KIF6: variants seen among roughly 807,000 people sequenced by gnomAD.
KIF6 encodes the protein kinesin family member 6.
In KIF6, 106 loss-of-function variants were observed where a neutral mutation model predicts 112.7. The observed-to-expected ratio is 0.94, with a 90% CI of 0.80 to 1.11. The LOEUF is 1.11. KIF6 is among the 50% of genes least tolerant of loss of function. KIF6 has a pLI of 0.00. For synonymous variants in KIF6, 339 were observed against 339.9 expected (o/e 1.00, Z 0.03); for missense variants, 929 against 964.0 (o/e 0.96, Z 0.48).
rs114719565 is a variant in KIF6, at chr6:39,464,074, C to T, written c.1646-32913G>A. 2.9e-3 allele frequency among the ~76,000 whole-genome samples: 443 copies of T among 152,308 alleles called. 3 individuals are homozygous for T. The highest frequency in any genetic ancestry group is 5.3e-3 in the Non-Finnish European group (363 of 68,032). Reference sequence around the variant, plus strand: ...TACATGTGTGTTATGGTCTGATAGACTGGCAGGGGCCAGGATGGGTGGTGG... The same window carrying T: ...TACATGTGTGTTATGGTCTGATAGATTGGCAGGGGCCAGGATGGGTGGTGG... On this transcript the variant is annotated intron_variant, in intron 13 of 22. Transcript: ENST00000287152.
Position 39,385,609 on chromosome 6 carries a change from T to C in KIF6, c.1861+13A>G. ...ACCTTCATCCTCTTCCTGCAGATTCTCTTTGTACCTACCTAGGGCTACTTG... is the reference window on the plus strand; with the variant it reads ...ACCTTCATCCTCTTCCTGCAGATTCCCTTTGTACCTACCTAGGGCTACTTG... On this transcript the variant is annotated intron_variant, in intron 16 of 22. Transcript: ENST00000287152. 6.2e-7 allele frequency: 1 copy of C among 1,608,668 alleles called. No homozygotes were observed. Among genetic ancestry groups the C allele is most frequent in the Non-Finnish European group, 8.5e-7 (1 of 1,175,034 alleles).
At chr6:39,620,243 G>A (rs1783741141) in intron 5 of KIF6, 1 of 152,092 alleles carries the variant, frequency 6.6e-6, no homozygotes, top group Non-Finnish European at 1.5e-5. Context: ...ATACAGCCGT[G>A]CACTAAAATT....
intron 13 of KIF6, among the ~76,000 whole-genome samples, chr6:39,507,351 AAAACAG>A: frequency 6.6e-6 from 1 of 152,192 alleles, no homozygotes; most frequent in East Asian, 1.9e-4. Flanking sequence ...TGAGTACAGA[AAAACAG>A]TTTTTTTCTT....
chr6:39,494,782 T>C (rs1227955676), intron 13 of KIF6, among the ~76,000 whole-genome samples: 1 of 152,020 alleles, frequency 6.6e-6, no homozygotes, highest in Non-Finnish European at 1.5e-5. Context: ...ATAAGAAATG[T>C]CCTTATGACA....
intron 2 of KIF6, 114 bp from the exon 3 acceptor site, chr6:39,714,880 C>G: frequency 1.4e-6 from 1 of 691,774 alleles, no homozygotes; most frequent in Non-Finnish European, 2.5e-6. Context: ...CATCACTGGG[C>G]TTACCTAACT....
At chr6:39,616,245 T>C (rs1055737492) in intron 5 of KIF6, among the ~76,000 whole-genome samples, 5 of 152,208 alleles carry the variant, frequency 3.3e-5, no homozygotes, top group Non-Finnish European at 5.9e-5. Flanking sequence ...TGATCTCCAA[T>C]GTAGCTACTT....
At chr6:39,643,277 AT>A (rs1427571758) in intron 3 of KIF6, among the ~76,000 whole-genome samples, 2 of 152,190 alleles carry the variant, frequency 1.3e-5, no homozygotes, top group African/African-American at 4.8e-5. Context: ...TGCGATTTCT[AT>A]CAAAATTCAA....
intron 10 of KIF6, among the ~76,000 whole-genome samples, chr6:39,560,303 A>G (rs1561810641): frequency 6.6e-6 from 1 of 152,214 alleles, no homozygotes; most frequent in Non-Finnish European, 1.5e-5. Flanking sequence ...AATATACTAC[A>G]TTTTCAATTG....
intron 3 of KIF6, among the ~76,000 whole-genome samples, chr6:39,647,106 G>T (rs929470346): frequency 1.3e-5 from 2 of 152,106 alleles, no homozygotes. Context: ...TTCATAATTA[G>T]CACAATTAAC....
chr6:39,698,901 G>C (rs1788707817), intron 3 of KIF6, among the ~76,000 whole-genome samples: 1 of 152,184 alleles, frequency 6.6e-6, no homozygotes, highest in Non-Finnish European at 1.5e-5. Context: ...TACAAAAGCA[G>C]TAGCTGTAAA....
Position 39,540,077 on chromosome 6 carries a change from A to G in KIF6, c.1571T>C (p.Leu524Pro). Residue 524 changes from leucine (L) to proline (P), a missense_variant, in exon 13 of 23, where the codon CTA becomes CCA. Around this residue, in one of 2 missense-constraint regions of KIF6, gnomAD observed 688 missense variants for 662.7 expected, o/e 1.04. Coordinates refer to ENST00000287152, the MANE Select transcript of KIF6 (RefSeq NM_145027.6). The stretch of plus-strand genomic sequence containing the variant: ...CTGGGCCTGTGAGGGAGCTGAGGAT[A>G]GTCGCATTCTTTGACCTTCTTCTGG... ...GNPEEGQRMR[L>P]SSAPSQAQDF... 1 of 1,614,164 alleles carries G rather than the reference A, an allele frequency of 6.2e-7. No individual in the cohort carries two copies. Among genetic ancestry groups the G allele is most frequent in the Non-Finnish European group, 8.5e-7 (1 of 1,180,010 alleles).
At chr6:39,593,043 A>G (rs1377401677) in intron 7 of KIF6, among the ~76,000 whole-genome samples, 1 of 152,172 alleles carries the variant, frequency 6.6e-6, no homozygotes, top group African/African-American at 2.4e-5. Flanking sequence ...TTTCTATTAT[A>G]GGTTTTAAAT....
chr6:39,544,474 C>T, intron 12 of KIF6, 81 bp downstream of exon 12: 2 of 1,434,216 alleles, frequency 1.4e-6, no homozygotes, highest in Non-Finnish European at 1.8e-6. Context: ...GGGAGCTCAG[C>T]CATGTGGCTC....
chr6:39,641,583 T>C (rs1784901801), intron 3 of KIF6, among the ~76,000 whole-genome samples: 1 of 151,866 alleles, frequency 6.6e-6, no homozygotes, highest in Admixed American at 6.6e-5. Flanking sequence ...ACATGGCACA[T>C]GTATACAAAT....
intron 13 of KIF6, among the ~76,000 whole-genome samples, chr6:39,524,887 A>G (rs1488550547): frequency 3.9e-5 from 6 of 152,318 alleles, no homozygotes; most frequent in Admixed American, 2.6e-4. Flanking sequence ...ATATGGGGAA[A>G]TGCAACCTGA....
At chr6:39,361,869 G>C (rs1028982938) in intron 17 of KIF6, among the ~76,000 whole-genome samples, 2 of 152,190 alleles carry the variant, frequency 1.3e-5, no homozygotes, top group Non-Finnish European at 2.9e-5. Flanking sequence ...CCTTGAGGCA[G>C]GGAAGATGAC....
At chr6:39,630,831 G>A (rs1784315319) in intron 5 of KIF6, among the ~76,000 whole-genome samples, 1 of 151,918 alleles carries the variant, frequency 6.6e-6, no homozygotes, top group Non-Finnish European at 1.5e-5. Context: ...TCTTTATCAG[G>A]TTGAGAACAT....
At chr6:39,577,925 C>G (rs1201617507) in intron 10 of KIF6, 131 bp downstream of exon 10, 1 of 600,738 alleles carries the variant, frequency 1.7e-6, no homozygotes, top group African/African-American at 1.8e-5. Flanking sequence ...TTAACTGGCG[C>G]CTAAATGCAA....
At chr6:39,600,925 A>T (rs1317342182) in intron 6 of KIF6, among the ~76,000 whole-genome samples, 2 of 152,160 alleles carry the variant, frequency 1.3e-5, no homozygotes, top group Non-Finnish European at 2.9e-5. Context: ...TGTTTCTAGA[A>T]TGCCATATTA....
Sources: allele counts gnomAD v4.1 joint callset (sites outside exome capture counted in the v4.1 genomes callset), GRCh38; gene constraint gnomAD v4.1.1; regional missense constraint gnomAD v4.1.1; transcripts MANE v1.5; gene names NCBI Gene and HGNC (gene_info 2026-07-23, HGNC 2026-07-21).